The following ADGRL2 variants were observed in gnomAD, a reference collection of about 807,000 sequenced individuals.
ADGRL2 encodes the protein adhesion G protein-coupled receptor L2.
ADGRL2 carries 44 observed loss-of-function variants against 157.4 expected under a neutral mutation model. The ratio of observed to expected loss-of-function variants is 0.28; its 90% confidence interval spans 0.22 to 0.36. The LOEUF is 0.36. Among genes scored for constraint, ADGRL2 ranks in the 10% least tolerant of loss-of-function variants. The pLI is 1.00. For missense variants in ADGRL2, 1,510 were observed against 1,768.9 expected (o/e 0.85, Z 2.63); for synonymous variants, 585 against 624.7 (o/e 0.94, Z 0.95).
intron 2 of ADGRL2, among the ~76,000 whole-genome samples, chr1:81,497,642 G>A (rs1278307275): frequency 6.6e-6 from 1 of 152,102 alleles, no homozygotes; most frequent in Non-Finnish European, 1.5e-5. Flanking sequence ...GTGACTTTAA[G>A]CAAGTTGTTT....
At chr1:81,757,596 T>C (rs867135275) in intron 1 of ADGRL2, among the ~76,000 whole-genome samples, 3 of 152,198 alleles carry the variant, frequency 2.0e-5, no homozygotes, top group African/African-American at 7.2e-5. Context: ...CCCTTTTTTG[T>C]CTATAAATCT....
chr1:81,426,061 G>T (rs2077209315), intron 1 of ADGRL2, among the ~76,000 whole-genome samples: 1 of 151,976 alleles, frequency 6.6e-6, no homozygotes, highest in Admixed American at 6.6e-5. Context: ...AGTTTCATGT[G>T]GTAGAAAGCC....
rs61407845 is a variant in ADGRL2 at position 81,369,704 on chromosome 1, G to GAA, written c.-302+63204_-302+63205dup. ...TCAATTTATATTTCCTTATGAACAT[G>GAA]AAAAAAAAAATCCCTTTGGTTCAGA... On this transcript the variant is annotated intron_variant, in intron 1 of 24. Coordinates refer to the ADGRL2 transcript ENST00000370721. Among the ~76,000 whole-genome samples the GAA allele has an allele frequency of 6.7e-4, 99 of 148,718 alleles. 1 individual carries two copies. The South Asian group carries it at 0.02, about 30-fold the overall frequency.
intron 3 of ADGRL2, among the ~76,000 whole-genome samples, chr1:81,627,932 A>G (rs1399491593): frequency 3.9e-5 from 6 of 152,172 alleles, no homozygotes; most frequent in Admixed American, 1.3e-4. Flanking sequence ...TAGTTGATTC[A>G]AGAATCACCA....
intron 2 of ADGRL2, among the ~76,000 whole-genome samples, chr1:81,459,326 A>G (rs1035176907): frequency 7.9e-5 from 12 of 151,888 alleles, no homozygotes; most frequent in Admixed American, 1.3e-4. Context: ...ACAACTCTCC[A>G]ATTCCTCCTT....
intron 2 of ADGRL2, among the ~76,000 whole-genome samples, chr1:81,545,906 G>C (rs183792018): frequency 6.6e-6 from 1 of 152,126 alleles, no homozygotes; most frequent in African/African-American, 2.4e-5. Context: ...GCCTGGCCCT[G>C]ACCATCACTA....
chr1:81,401,868 T>C (rs1308072118), intron 1 of ADGRL2, among the ~76,000 whole-genome samples: 3 of 152,232 alleles, frequency 2.0e-5, no homozygotes, highest in Non-Finnish European at 1.5e-5. Flanking sequence ...CAAATGTATA[T>C]ATTCTGTTTA....
chr1:81,430,099 G>A (rs1570946114), intron 1 of ADGRL2, among the ~76,000 whole-genome samples: 1 of 152,090 alleles, frequency 6.6e-6, no homozygotes, highest in South Asian at 2.1e-4. Context: ...TTCCATGTTG[G>A]TCAGGCTGGT....
intron 1 of ADGRL2, among the ~76,000 whole-genome samples, chr1:81,746,059 A>G (rs1483255540): frequency 1.3e-5 from 2 of 152,162 alleles, no homozygotes; most frequent in Non-Finnish European, 2.9e-5. Context: ...GGAGATAAAT[A>G]ACAGGAACCT....
chr1:81,317,739 TG>T (rs1047759334), intron 1 of ADGRL2, among the ~76,000 whole-genome samples: 9 of 152,214 alleles, frequency 5.9e-5, no homozygotes, highest in Non-Finnish European at 1.2e-4. Context: ...TAAAATTTTT[TG>T]AAACAATCAT....
intron 2 of ADGRL2, among the ~76,000 whole-genome samples, chr1:81,504,012 G>A (rs929641707): frequency 1.3e-5 from 2 of 152,140 alleles, no homozygotes; most frequent in Non-Finnish European, 2.9e-5. Context: ...CCTGGGGTAC[G>A]GGTCCCTCAA....
At chr1:81,900,135 T>C (rs182593140) in intron 2 of ADGRL2, among the ~76,000 whole-genome samples, 1 of 152,296 alleles carries the variant, frequency 6.6e-6, no homozygotes, top group Non-Finnish European at 1.5e-5. Flanking sequence ...CTATCTTGTA[T>C]GGTTGTTTTG....
chr1:81,561,892 A>G (rs1390227788), intron 2 of ADGRL2, among the ~76,000 whole-genome samples: 2 of 152,232 alleles, frequency 1.3e-5, no homozygotes, highest in Non-Finnish European at 2.9e-5. Flanking sequence ...TAGAAGAGCA[A>G]GATTCTGCTT....
At chr1:81,706,090 T>G (rs556406534) in intron 1 of ADGRL2, among the ~76,000 whole-genome samples, 1 of 151,938 alleles carries the variant, frequency 6.6e-6, no homozygotes, top group Non-Finnish European at 1.5e-5. Flanking sequence ...TCCCAGCTAC[T>G]TGGGAGGCTG....
intron 1 of ADGRL2, among the ~76,000 whole-genome samples, chr1:81,429,118 A>G (rs955283348): frequency 7.5e-6 from 1 of 133,444 alleles, no homozygotes. Flanking sequence ...TGAACTACCC[A>G]TGAGGCATTT....
intron 2 of ADGRL2, among the ~76,000 whole-genome samples, chr1:81,507,609 C>A (rs1054830568): frequency 6.6e-6 from 1 of 152,092 alleles, no homozygotes; most frequent in Admixed American, 6.6e-5. Context: ...GCTGGTCATA[C>A]CTCATTTGTC....
intron 2 of ADGRL2, among the ~76,000 whole-genome samples, chr1:81,767,523 G>C (rs990036003): frequency 6.6e-6 from 1 of 152,042 alleles, no homozygotes; most frequent in African/African-American, 2.4e-5. Context: ...GAATTATCTG[G>C]CCTAAAATGT....
intron 1 of ADGRL2, among the ~76,000 whole-genome samples, chr1:81,757,295 T>G (rs1405730128): frequency 6.6e-6 from 1 of 152,148 alleles, no homozygotes; most frequent in Non-Finnish European, 1.5e-5. Flanking sequence ...TCTTTAATAG[T>G]AAAAATAAAA....
At chr1:81,409,943 C>A (rs557752151) in intron 1 of ADGRL2, among the ~76,000 whole-genome samples, 1 of 152,068 alleles carries the variant, frequency 6.6e-6, no homozygotes, top group Non-Finnish European at 1.5e-5. Flanking sequence ...CATATTTGAG[C>A]AGTAAGAAGA....
Sources: allele counts gnomAD v4.1 joint callset (sites outside exome capture counted in the v4.1 genomes callset), GRCh38; gene constraint gnomAD v4.1.1; transcripts MANE v1.5; gene names NCBI Gene and HGNC (gene_info 2026-07-23, HGNC 2026-07-21).